Variants in ADAM18 observed in about 807,000 individuals in gnomAD.
The protein encoded by ADAM18 is ADAM metallopeptidase domain 18.
A neutral mutation model predicts 94.4 loss-of-function variants in ADAM18; 117 were observed. That is an observed-to-expected ratio of 1.24 (90% CI 1.07 to 1.45). The LOEUF (loss-of-function observed/expected upper bound fraction) is 1.45, where lower values mean the gene tolerates loss of function less well. ADAM18 is among the 40% of genes most tolerant of loss of function. The pLI is 0.00. For synonymous variants in ADAM18, 327 were observed against 291.6 expected (o/e 1.12, Z -1.24); for missense variants, 936 against 880.0 (o/e 1.06, Z -0.81).
chr8:39,638,571 C>A, intron 10 of ADAM18, 25 bp downstream of exon 10: 1 of 1,410,686 alleles, frequency 7.1e-7, no homozygotes, highest in Non-Finnish European at 9.6e-7. Context: ...TTCTTCTTTA[C>A]ATCACTATTT....
intron 16 of ADAM18, among the ~76,000 whole-genome samples, chr8:39,688,658 T>C (rs1481450212): frequency 6.6e-6 from 1 of 152,208 alleles, no homozygotes; most frequent in Admixed American, 6.5e-5. Context: ...GTTGATGCCA[T>C]GTCTTTGTTA....
At chr8:39,599,151 C>T (rs969919582) in intron 2 of ADAM18, among the ~76,000 whole-genome samples, 1 of 152,160 alleles carries the variant, frequency 6.6e-6, no homozygotes. Flanking sequence ...TTGAAATGAT[C>T]TCATGTGATT....
At chr8:39,724,865 G>T (rs955035675) in intron 19 of ADAM18, among the ~76,000 whole-genome samples, 4 of 151,832 alleles carry the variant, frequency 2.6e-5, no homozygotes, top group African/African-American at 4.8e-5. Flanking sequence ...AGATTTCCCA[G>T]GATTTTTGCC....
At chr8:39,591,081 T>C (rs1303968085) in intron 2 of ADAM18, among the ~76,000 whole-genome samples, 1 of 152,198 alleles carries the variant, frequency 6.6e-6, no homozygotes, top group African/African-American at 2.4e-5. Context: ...GTATAAACCT[T>C]AATTTAAAAC....
chr8:39,677,545 G>A lies in ADAM18; in HGVS notation c.1631+9G>A, dbSNP rs780949253. On this transcript the variant is annotated intron_variant, in intron 15 of 19. Transcript: ENST00000265707. ...TTACCTTGTGAACGGAAGTACGTAT[G>A]TAGAAAATGATTGCTTCTTTGAATC... The A allele has an allele frequency of 1.3e-6, 2 of 1,567,076 alleles. No individual in the cohort carries two copies. The highest frequency in any genetic ancestry group is 2.3e-5 in the East Asian group (1 of 43,894).
chr8:39,711,868 A>C (rs1006640275), intron 18 of ADAM18, among the ~76,000 whole-genome samples: 1 of 152,086 alleles, frequency 6.6e-6, no homozygotes, highest in Non-Finnish European at 1.5e-5. Context: ...ATGCCCCAAA[A>C]CTTTTAAAAT....
intron 16 of ADAM18, among the ~76,000 whole-genome samples, 155 bp from the exon 17 acceptor site, chr8:39,692,445 T>G (rs1409316256): frequency 4.0e-5 from 6 of 151,740 alleles, no homozygotes; most frequent in Non-Finnish European, 8.9e-5. Context: ...ATCAATAAAT[T>G]AAGATAATGT....
chr8:39,595,274 T>C (rs1053995320), intron 2 of ADAM18, among the ~76,000 whole-genome samples: 3 of 152,036 alleles, frequency 2.0e-5, no homozygotes, highest in Admixed American at 2.0e-4. Context: ...CCTGAATAGG[T>C]GAAGCACAGG....
At chr8:39,599,275 A>C (rs1439199288) in intron 2 of ADAM18, among the ~76,000 whole-genome samples, 2 of 152,200 alleles carry the variant, frequency 1.3e-5, no homozygotes, top group African/African-American at 4.8e-5. Flanking sequence ...ATTTGTATAA[A>C]ATATGTAAAT....
Position 39,637,089 on chromosome 8 carries a change from A to G in ADAM18, c.589-175A>G, listed in dbSNP as rs1422537251. Among the ~76,000 whole-genome samples the G allele has an allele frequency of 5.5e-5, 8 of 146,500 alleles. No homozygotes were observed. The Admixed American group carries it at 5.5e-4, about 10-fold the overall frequency. On this transcript the variant is annotated intron_variant, in intron 7 of 19. Coordinates refer to ENST00000265707, the MANE Select transcript of ADAM18 (RefSeq NM_014237.3). ...TATGTATATACATAATATATAATCCATAAAATCTTGTCTCATATAAAATAG... is the reference window on the plus strand; with the variant it reads ...TATGTATATACATAATATATAATCCGTAAAATCTTGTCTCATATAAAATAG...
At chr8:39,586,931 GC>G (rs1319816789) in intron 2 of ADAM18, among the ~76,000 whole-genome samples, 1 of 152,018 alleles carries the variant, frequency 6.6e-6, no homozygotes, top group Non-Finnish European at 1.5e-5. Flanking sequence ...ACTACGCAGG[GC>G]TTGATGAAAT....
intron 18 of ADAM18, among the ~76,000 whole-genome samples, chr8:39,713,012 A>G (rs185515862): frequency 4.1e-4 from 62 of 152,338 alleles, no homozygotes; most frequent in Admixed American, 1.0e-3. Flanking sequence ...ACAAAGCTGG[A>G]GGCATCACCC....
chr8:39,588,092 A>G (rs1471463909), intron 2 of ADAM18, among the ~76,000 whole-genome samples: 2 of 152,032 alleles, frequency 1.3e-5, no homozygotes, highest in African/African-American at 2.4e-5. Context: ...TCTATTTTTA[A>G]TTTTTTGTGG....
intron 17 of ADAM18, among the ~76,000 whole-genome samples, chr8:39,700,247 G>A (rs1192635794): frequency 1.3e-5 from 2 of 152,150 alleles, no homozygotes; most frequent in Non-Finnish European, 2.9e-5. Context: ...AAAAAAGAAT[G>A]TTGTTGAAGC....
At chr8:39,648,810 A>T (rs889006279) in intron 12 of ADAM18, among the ~76,000 whole-genome samples, 1 of 152,080 alleles carries the variant, frequency 6.6e-6, no homozygotes, top group Admixed American at 6.6e-5. Flanking sequence ...TATTATACAC[A>T]TCTCAGTTCC....
chr8:39,700,029 G>C (rs1388749236), intron 17 of ADAM18, among the ~76,000 whole-genome samples: 1 of 152,156 alleles, frequency 6.6e-6, no homozygotes, highest in Non-Finnish European at 1.5e-5. Flanking sequence ...ATGTGAAATG[G>C]GGGACTGAAT....
chr8:39,668,438 A>G (rs764851707), intron 14 of ADAM18, among the ~76,000 whole-genome samples: 15 of 152,206 alleles, frequency 9.9e-5, no homozygotes, highest in Admixed American at 2.0e-4. Flanking sequence ...GCAAAAATCC[A>G]TATTTACAGC....
chr8:39,681,053 T>G (rs1335466893), intron 16 of ADAM18, among the ~76,000 whole-genome samples: 1 of 152,186 alleles, frequency 6.6e-6, no homozygotes, highest in Non-Finnish European at 1.5e-5. Flanking sequence ...TTCCTTTGCC[T>G]GTGGACTGCA....
intron 6 of ADAM18, among the ~76,000 whole-genome samples, chr8:39,616,585 C>G (rs888281919): frequency 6.6e-6 from 1 of 152,076 alleles, no homozygotes; most frequent in African/African-American, 2.4e-5. Context: ...GCTAAAAGAA[C>G]AAAGCTGCAA....
Sources: gnomAD v4.1 joint callset for allele counts (sites outside exome capture counted in the v4.1 genomes callset) on GRCh38, gnomAD v4.1.1 for gene constraint, MANE v1.5 for transcripts, NCBI Gene and HGNC (gene_info 2026-07-23, HGNC 2026-07-21) for gene names.